The following UNC13B variants were observed in gnomAD, a reference collection of about 807,000 sequenced individuals.
UNC13B encodes the protein unc-13 homolog B.
Under a neutral mutation model 211.0 loss-of-function variants are expected in UNC13B, and 144 were observed. The ratio of observed to expected loss-of-function variants is 0.68; its 90% confidence interval spans 0.60 to 0.78. The LOEUF (loss-of-function observed/expected upper bound fraction) is 0.78. Among genes scored for constraint, UNC13B ranks in the 30% least tolerant of loss-of-function variants. The pLI is 0.00. For synonymous variants in UNC13B, 709 were observed against 725.8 expected (o/e 0.98, Z 0.37); for missense variants, 1,777 against 2,002.0 (o/e 0.89, Z 2.14).
At chr9:35,254,240 T>G (rs908211320) in intron 6 of UNC13B, among the ~76,000 whole-genome samples, 1 of 152,202 alleles carries the variant, frequency 6.6e-6, no homozygotes, top group Admixed American at 6.5e-5. Flanking sequence ...TGGATTGCTA[T>G]AACAATGCAA....
intron 7 of UNC13B, among the ~76,000 whole-genome samples, chr9:35,285,633 G>T (rs746118755): frequency 6.6e-6 from 1 of 152,116 alleles, no homozygotes; most frequent in Non-Finnish European, 1.5e-5. Flanking sequence ...AGGAGGATTG[G>T]TTGAGGCAGC....
Position 35,236,579 on chromosome 9 carries a change from C to A in UNC13B, c.263C>A (p.Ser88Ter). 1 of 1,613,558 alleles carries A rather than the reference C, an allele frequency of 6.2e-7. No homozygotes were observed. The highest frequency in any genetic ancestry group is 1.1e-5 in the South Asian group (1 of 91,002). Residue 88 changes from serine (S) to a stop codon, truncating the protein, a stop_gained, in exon 4 of 40, where the codon TCG (serine) becomes TAG (stop). Coordinates refer to ENST00000635942, the MANE Select transcript of UNC13B (RefSeq NM_001371189.2). LOFTEE classifies it high-confidence loss of function. ...ATTGCGCTGAAGACTATTCGTCAGTCGGATGAGGTCAGTCATTGCATTTTC... is the reference window on the plus strand; with the variant it reads ...ATTGCGCTGAAGACTATTCGTCAGTAGGATGAGGTCAGTCATTGCATTTTC... ...VWIALKTIRQ[S>*]DEEGPGEWST...
chr9:35,203,222 T>C (rs1823423721), intron 1 of UNC13B, among the ~76,000 whole-genome samples: 2 of 152,218 alleles, frequency 1.3e-5, no homozygotes, highest in South Asian at 2.1e-4. Flanking sequence ...GTTGTTTTGC[T>C]TGTTAGTTGA....
chr9:35,340,458 A>G (rs1831918886), intron 11 of UNC13B, among the ~76,000 whole-genome samples: 1 of 152,162 alleles, frequency 6.6e-6, no homozygotes, highest in Non-Finnish European at 1.5e-5. Context: ...CTTAATTTAA[A>G]TGCTTGTTTT....
chr9:35,351,969 G>T, intron 11 of UNC13B: 4 of 1,232,218 alleles, frequency 3.2e-6, no homozygotes, highest in Non-Finnish European at 4.0e-6. Flanking sequence ...TACATCATCA[G>T]AGAGCTGCAA....
chr9:35,286,021 A>G (rs1828771648), intron 7 of UNC13B, among the ~76,000 whole-genome samples: 3 of 152,154 alleles, frequency 2.0e-5, no homozygotes, highest in African/African-American at 4.8e-5. Flanking sequence ...ATACAATGCC[A>G]TTACCACTGG....
intron 11 of UNC13B, among the ~76,000 whole-genome samples, chr9:35,324,986 GT>G (rs559499293): frequency 1.1e-3 from 167 of 152,132 alleles, no homozygotes; most frequent in Middle Eastern, 3.4e-3. Flanking sequence ...CCTGTTTTAC[GT>G]CCTGCATTTT....
At chr9:35,291,083 T>C (rs910449962) in intron 7 of UNC13B, 11 of 1,550,296 alleles carry the variant, frequency 7.1e-6, no homozygotes, top group East Asian at 2.4e-5. Context: ...CTGGACCTAT[T>C]TGGGCTGGGG....
intron 1 of UNC13B, among the ~76,000 whole-genome samples, chr9:35,222,191 A>C (rs1824603062): frequency 6.6e-6 from 1 of 152,212 alleles, no homozygotes; most frequent in Non-Finnish European, 1.5e-5. Context: ...ATCTAAAAAA[A>C]AATGCCTGCT....
rs1587781819 is a variant in UNC13B at position 35,400,407 on chromosome 9, C to G, written c.12448C>G (p.Leu4150Val). The change falls in exon 37 of 40, where the codon CTC (leucine) becomes GTC (valine). Residue 4150 changes from leucine (L) to valine (V), a missense_variant. Leu to Val is a conservative substitution (Grantham distance 32). Transcript: ENST00000635942. ...LSLYTQTTDT[L>V]IKTFVRSQTT... The stretch of plus-strand genomic sequence containing the variant: ...TCTGTACACACAGACTACTGACACT[C>G]TCATCAAGACCTTTGTGCGCTCGCA... 15 of 1,614,006 alleles carry G rather than the reference C, an allele frequency of 9.3e-6. No individual in the cohort carries two copies. The East Asian group carries it at 3.3e-4, about 36-fold the overall frequency.
chr9:35,214,674 A>G (rs933031238), intron 1 of UNC13B, among the ~76,000 whole-genome samples: 1 of 152,142 alleles, frequency 6.6e-6, no homozygotes, highest in Admixed American at 6.6e-5. Context: ...TAGGGGGGAA[A>G]AAGGAGAGGA....
rs2132351834 is a variant in UNC13B at position 35,397,167 on chromosome 9, T to C, written c.11533T>C (p.Phe3845Leu). 6.2e-7 allele frequency: 1 copy of C among 1,614,080 alleles called. No homozygotes were observed. Among genetic ancestry groups the C allele is most frequent in the Admixed American group, 1.7e-5 (1 of 60,026 alleles). The part of the protein sequence containing the change: ...GALERDKKDG[F>L]QQTSEHALFS... ...TGACCCTGTGTGTGGTCTTCCTTAG[T>C]TCCAGCAGACATCAGAGCATGCACT... Residue 3845 changes from phenylalanine (F) to leucine (L), a missense_variant and splice_region_variant, in exon 29 of 40, where the codon TTC (phenylalanine) becomes CTC (leucine). Physicochemically the swap from Phe to Leu is conservative, Grantham distance 22 (BLOSUM62 0). Transcript: ENST00000635942.
At chr9:35,314,034 A>C in intron 11 of UNC13B, 45 bp downstream of exon 11, 1 of 1,471,746 alleles carries the variant, frequency 6.8e-7, no homozygotes, top group Non-Finnish European at 9.5e-7. Context: ...TTTTCCTTTG[A>C]AATTGGGAGA....
chr9:35,202,839 G>T (rs139596347), intron 1 of UNC13B, among the ~76,000 whole-genome samples: 10 of 150,594 alleles, frequency 6.6e-5, no homozygotes, highest in African/African-American at 2.4e-4. Flanking sequence ...GTCACCCAGG[G>T]TGGAGTGCAG....
intron 17 of UNC13B, among the ~76,000 whole-genome samples, chr9:35,379,211 G>C (rs1325382685): frequency 2.6e-5 from 4 of 152,148 alleles, no homozygotes; most frequent in African/African-American, 9.7e-5. Flanking sequence ...ACTTTGGGAG[G>C]CTGAGGCAGG....
At chr9:35,200,350 T>A (rs899136948) in intron 1 of UNC13B, among the ~76,000 whole-genome samples, 13 of 152,214 alleles carry the variant, frequency 8.5e-5, no homozygotes, top group African/African-American at 3.1e-4. Flanking sequence ...AACTTTAAAG[T>A]AGTTTTTTCC....
At chr9:35,396,791 C>A in intron 27 of UNC13B, 50 bp from the exon 28 acceptor site, 1 of 1,609,618 alleles carries the variant, frequency 6.2e-7, no homozygotes, top group East Asian at 2.2e-5. Flanking sequence ...CAGGAAGTGG[C>A]GTATTCCCAC....
At chr9:35,288,836 C>G (rs1025188498) in intron 7 of UNC13B, among the ~76,000 whole-genome samples, 1 of 152,196 alleles carries the variant, frequency 6.6e-6, no homozygotes, top group African/African-American at 2.4e-5. Flanking sequence ...AGAAAGGCTT[C>G]TTTGGGCTCA....
chr9:35,170,750 T>A (rs1821292290), intron 1 of UNC13B, among the ~76,000 whole-genome samples: 1 of 151,830 alleles, frequency 6.6e-6, no homozygotes, highest in South Asian at 2.1e-4. Flanking sequence ...GGGATTATAG[T>A]CATGAGCCAC....
Sources: allele counts gnomAD v4.1 joint callset (sites outside exome capture counted in the v4.1 genomes callset), GRCh38; gene constraint gnomAD v4.1.1; transcripts MANE v1.5; gene names NCBI Gene and HGNC (gene_info 2026-07-23, HGNC 2026-07-21).